ERP44: variants seen among roughly 807,000 people sequenced by gnomAD.
ERP44 encodes endoplasmic reticulum resident protein 44.
Under a neutral mutation model 53.4 loss-of-function variants are expected in ERP44, and 25 were observed. That is an observed-to-expected ratio of 0.47 (90% CI 0.34 to 0.65). The LOEUF (loss-of-function observed/expected upper bound fraction) is 0.65, where lower values mean the gene tolerates loss of function less well. ERP44 is among the 30% of genes least tolerant of loss of function. ERP44 has a pLI of 0.01. For synonymous variants in ERP44, 145 were observed against 161.2 expected, an observed-to-expected ratio of 0.90 and a Z score of 0.76; for missense variants, 338 against 493.2, an observed-to-expected ratio of 0.69 and a Z score of 2.98.
intron 4 of ERP44, among the ~76,000 whole-genome samples, chr9:100,044,899 C>A (rs4743379): frequency 0.46 from 69,465 of 151,854 alleles, 17,320 homozygotes; most frequent in East Asian, 0.9. Flanking sequence ...TATTTTATAA[C>A]CTGTAATAGG....
At chr9:100,072,458 G>C (rs111317118) in intron 1 of ERP44, among the ~76,000 whole-genome samples, 1 of 151,996 alleles carries the variant, frequency 6.6e-6, no homozygotes, top group African/African-American at 2.4e-5. Context: ...CCAACAAGCA[G>C]GGACAAAGGA....
At chr9:99,999,013 G>A in intron 10 of ERP44, 1 of 1,039,406 alleles carries the variant, frequency 9.6e-7, no homozygotes, top group Non-Finnish European at 1.5e-6. Context: ...GTCGTGCGTG[G>A]GCAGCGGGCG....
chr9:100,021,140 A>G (rs1006352776), intron 5 of ERP44, among the ~76,000 whole-genome samples: 1 of 152,208 alleles, frequency 6.6e-6, no homozygotes, highest in African/African-American at 2.4e-5. Flanking sequence ...AAAAAATGCA[A>G]GACCCTGACT....
intron 8 of ERP44, among the ~76,000 whole-genome samples, chr9:100,009,898 A>G (rs1284415529): frequency 4.6e-5 from 7 of 152,176 alleles, no homozygotes; most frequent in East Asian, 1.9e-4. Flanking sequence ...CCGCTTCTCT[A>G]AAGTCATCTC....
intron 4 of ERP44, among the ~76,000 whole-genome samples, chr9:100,047,379 A>ACC (rs746391866): frequency 2.6e-5 from 4 of 152,210 alleles, no homozygotes; most frequent in African/African-American, 7.2e-5. Flanking sequence ...AGACATACAG[A>ACC]CCATGGTACA....
intron 1 of ERP44, among the ~76,000 whole-genome samples, chr9:100,066,069 A>ATCT (rs1826207106): frequency 6.6e-6 from 1 of 152,230 alleles, no homozygotes; most frequent in Admixed American, 6.5e-5. Context: ...CTGAATGAGA[A>ATCT]GCTCCACTTC....
intron 4 of ERP44, among the ~76,000 whole-genome samples, chr9:100,046,632 T>C (rs1485060810): frequency 1.3e-5 from 2 of 152,150 alleles, no homozygotes; most frequent in Admixed American, 1.3e-4. Context: ...CCTAAATAAA[T>C]GGAGAGATAT....
At chr9:100,036,595 C>A (rs1825850347) in intron 4 of ERP44, among the ~76,000 whole-genome samples, 1 of 152,264 alleles carries the variant, frequency 6.6e-6, no homozygotes, top group African/African-American at 2.4e-5. Context: ...TCTCAAAACA[C>A]CGCAATATGC....
At chr9:99,991,808 A>T (rs1390761704) in intron 10 of ERP44, among the ~76,000 whole-genome samples, 2 of 152,288 alleles carry the variant, frequency 1.3e-5, no homozygotes, top group Admixed American at 6.5e-5. Context: ...AATCAAATAG[A>T]TGCAATAAAA....
chr9:99,982,639 A>G lies in ERP44; in HGVS notation c.1194T>C (p.Thr398=), dbSNP rs561296500. ...QKLAPSEYRY[T]LLRDRDEL ...AAAGCTCATCTCGATCCCTCAATAG[A>G]GTATACCTATATTCACTGGGTGCTA... Residue 398 remains threonine, a synonymous_variant, in exon 12 of 12, where the codon ACT becomes ACC. Coordinates refer to ENST00000262455, the MANE Select transcript of ERP44 (RefSeq NM_015051.3). 1 of 1,605,234 alleles carries G rather than the reference A, an allele frequency of 6.2e-7. No individual in the cohort carries two copies.
intron 1 of ERP44, among the ~76,000 whole-genome samples, chr9:100,090,637 T>C (rs971631007): frequency 2.0e-5 from 3 of 151,746 alleles, no homozygotes; most frequent in African/African-American, 7.3e-5. Context: ...TAATCCCAGC[T>C]ACCTGGGAGG....
intron 4 of ERP44, among the ~76,000 whole-genome samples, chr9:100,042,066 A>T (rs1825911016): frequency 6.6e-6 from 1 of 152,234 alleles, no homozygotes; most frequent in South Asian, 2.1e-4. Context: ...ATGGGATCAC[A>T]TCAAGTTAAA....
chr9:100,081,925 A>G (rs1826431475), intron 1 of ERP44, among the ~76,000 whole-genome samples: 2 of 152,152 alleles, frequency 1.3e-5, no homozygotes, highest in Admixed American at 1.3e-4. Flanking sequence ...AAAACAAATT[A>G]ACTAAAATAA....
At chr9:100,065,684 TTAC>T (rs1243902917) in intron 1 of ERP44, among the ~76,000 whole-genome samples, 1 of 152,180 alleles carries the variant, frequency 6.6e-6, no homozygotes, top group Non-Finnish European at 1.5e-5. Flanking sequence ...AAGAGTTATA[TTAC>T]ATTAGTGGAT....
intron 10 of ERP44, among the ~76,000 whole-genome samples, chr9:99,988,325 A>G (rs998340775): frequency 2.6e-5 from 4 of 152,330 alleles, no homozygotes; most frequent in Non-Finnish European, 1.5e-5. Flanking sequence ...TGATACTCTA[A>G]GAACTCTCTG....
chr9:100,031,113 C>T (rs1038141221), intron 4 of ERP44, among the ~76,000 whole-genome samples: 2 of 152,006 alleles, frequency 1.3e-5, no homozygotes, highest in Non-Finnish European at 2.9e-5. Flanking sequence ...GGACAGAACA[C>T]GGGCTTAGGA....
chr9:99,982,552 T>G lies in ERP44; in HGVS notation c.*60A>C. ...TAGAATTATGAAAATATAGGTTTAC[T>G]ATTTCCACCACGTAGGTTGATGCTG... is the stretch of plus-strand genomic sequence containing the variant. On this transcript the variant is annotated 3_prime_UTR_variant, in exon 12 of 12. Transcript: ENST00000262455. The G allele has an allele frequency of 1.3e-6, 1 of 752,036 alleles. No individual in the cohort carries two copies. Among genetic ancestry groups the G allele is most frequent in the Non-Finnish European group, 2.0e-6 (1 of 492,700 alleles). The allele number at this position is 752,036 out of a possible 1,614,324, so 46.6% of individuals were successfully genotyped here. A position where few individuals can be genotyped will look rare whatever the true frequency, so the allele number is the denominator to read the frequency against.
At chr9:100,009,699 C>A (rs1425731421) in intron 8 of ERP44, among the ~76,000 whole-genome samples, 1 of 152,152 alleles carries the variant, frequency 6.6e-6, no homozygotes, top group Non-Finnish European at 1.5e-5. Flanking sequence ...ACAAGCCCAG[C>A]TCCAGTACAA....
At chr9:100,024,944 T>C (rs903693449) in intron 4 of ERP44, among the ~76,000 whole-genome samples, 1 of 152,056 alleles carries the variant, frequency 6.6e-6, no homozygotes, top group African/African-American at 2.4e-5. Flanking sequence ...AAACTGACAC[T>C]AGAAGAAACA....
Sources: allele counts gnomAD v4.1 joint callset (sites outside exome capture counted in the v4.1 genomes callset), GRCh38; gene constraint gnomAD v4.1.1; transcripts MANE v1.5; gene names NCBI Gene and HGNC (gene_info 2026-07-23, HGNC 2026-07-21).